The following ANTXR1 variants were observed in gnomAD, a reference collection of about 807,000 sequenced individuals.
The protein encoded by ANTXR1 is ANTXR cell adhesion molecule 1.
ANTXR1 carries 19 observed loss-of-function variants against 78.1 expected under a neutral mutation model. The observed-to-expected ratio is 0.24, with a 90% CI of 0.17 to 0.36. The LOEUF (loss-of-function observed/expected upper bound fraction) is 0.36. Among genes scored for constraint, ANTXR1 ranks in the 10% least tolerant of loss-of-function variants. The pLI, the probability that ANTXR1 is intolerant of heterozygous loss-of-function variation, is 1.00. For missense variants in ANTXR1, 518 were observed against 718.6 expected (o/e 0.72, Z 3.19); for synonymous variants, 273 against 260.5 (o/e 1.05, Z -0.46).
chr2:69,232,113 A>G (rs1675612432), intron 17 of ANTXR1, among the ~76,000 whole-genome samples: 1 of 152,224 alleles, frequency 6.6e-6, no homozygotes, highest in Middle Eastern at 3.2e-3. Context: ...GTTTGTGCAA[A>G]TATAATTGTG....
intron 17 of ANTXR1, among the ~76,000 whole-genome samples, chr2:69,199,375 G>A (rs1167880293): frequency 6.6e-6 from 1 of 152,068 alleles, no homozygotes; most frequent in Non-Finnish European, 1.5e-5. Flanking sequence ...TGAGAGTCTG[G>A]GGTCCTAGGC....
chr2:69,103,692 G>A lies in ANTXR1; in HGVS notation c.802+752G>A, dbSNP rs182148652. The A allele has an allele frequency of 2.0e-3, 310 of 156,352 alleles. 1 individual carries two copies. The highest frequency in any genetic ancestry group is 5.1e-3 in the Admixed American group (80 of 15,580). 9.7% of individuals were successfully genotyped at this position (156,352 alleles called of 1,614,324 possible). On this transcript the variant is annotated intron_variant, in intron 10 of 17. Coordinates refer to ENST00000303714, the MANE Select transcript of ANTXR1 (RefSeq NM_032208.3). Reference sequence around the variant, plus strand: ...GGAGAGATGGGGAAGATGATTATATGAGGGACAGATGCCAGAAGCACTGGT... The same window carrying A: ...GGAGAGATGGGGAAGATGATTATATAAGGGACAGATGCCAGAAGCACTGGT...
At chr2:69,222,683 A>C (rs1376717976) in intron 17 of ANTXR1, among the ~76,000 whole-genome samples, 2 of 152,162 alleles carry the variant, frequency 1.3e-5, no homozygotes, top group Non-Finnish European at 1.5e-5. Context: ...CTGGAGGAGG[A>C]GGCATCCTTA....
At chr2:69,016,887 G>A (rs1375351212) in intron 1 of ANTXR1, among the ~76,000 whole-genome samples, 1 of 152,186 alleles carries the variant, frequency 6.6e-6, no homozygotes, top group East Asian at 1.9e-4. Flanking sequence ...CTGTTGTAAA[G>A]GATGCTGCTG....
intron 13 of ANTXR1, among the ~76,000 whole-genome samples, chr2:69,157,130 C>T (rs1293722495): frequency 6.6e-6 from 1 of 152,150 alleles, no homozygotes; most frequent in Non-Finnish European, 1.5e-5. Context: ...TCTCCATTCA[C>T]TTCTCATTCT....
chr2:69,141,480 T>TCAAAA (rs1673066715), intron 12 of ANTXR1, among the ~76,000 whole-genome samples: 1 of 152,088 alleles, frequency 6.6e-6, no homozygotes. Flanking sequence ...CAAAAGTCTT[T>TCAAAA]GAGTCCAGTG....
chr2:69,243,217 T>C (rs1008095807), intron 17 of ANTXR1, among the ~76,000 whole-genome samples: 2 of 152,210 alleles, frequency 1.3e-5, no homozygotes, highest in African/African-American at 4.8e-5. Context: ...CACCCCCTAC[T>C]TTTCCTGAGT....
intron 16 of ANTXR1, among the ~76,000 whole-genome samples, chr2:69,183,574 GTT>G (rs55898655): frequency 1.6e-4 from 18 of 109,294 alleles, no homozygotes; most frequent in Non-Finnish European, 2.0e-4. Context: ...GCTAATTTTT[GTT>G]TTTTTTTTTT....
chr2:69,191,218 A>G (rs1204180160), intron 16 of ANTXR1, among the ~76,000 whole-genome samples: 1 of 152,252 alleles, frequency 6.6e-6, no homozygotes, highest in Non-Finnish European at 1.5e-5. Context: ...TTGCCAAAAT[A>G]GATGAGAAAC....
chr2:69,056,510 C>T (rs1161862738), intron 3 of ANTXR1, among the ~76,000 whole-genome samples: 1 of 152,058 alleles, frequency 6.6e-6, no homozygotes, highest in East Asian at 1.9e-4. Flanking sequence ...ACCAACCACG[C>T]TTGTGGAATA....
intron 17 of ANTXR1, among the ~76,000 whole-genome samples, chr2:69,201,440 G>A (rs898159139): frequency 6.6e-5 from 10 of 152,166 alleles, no homozygotes; most frequent in South Asian, 2.1e-4. Context: ...GTTGCCGGCC[G>A]TGGGAGCCTG....
At chr2:69,198,182 A>G (rs73934792) in intron 17 of ANTXR1, among the ~76,000 whole-genome samples, 7,206 of 152,300 alleles carry the variant, frequency 0.047, 448 homozygotes, top group African/African-American at 0.14. Context: ...AAGCTTTGAT[A>G]CAAATGGCCA....
intron 13 of ANTXR1, among the ~76,000 whole-genome samples, chr2:69,167,414 G>A (rs990915386): frequency 6.6e-6 from 1 of 152,228 alleles, no homozygotes; most frequent in Non-Finnish European, 1.5e-5. Flanking sequence ...TGGCCCTGAG[G>A]GGAGTGGGGT....
rs1351672598 is a variant in ANTXR1, at chr2:69,170,260, G to T, written c.1060G>T (p.Val354Phe). ...GTTTTCTTTTCAGATTATCAAGGAG[G>T]TCCCTCCACCCCCTGCCGAGGAGAG... ...PLCCTVIIKE[V>F]PPPPAEESEE... Residue 354 changes from valine to phenylalanine, a missense_variant, in exon 14 of 18, where the codon GTC becomes TTC. Val to Phe is a conservative substitution (Grantham distance 50). Around this residue, in one of 5 missense-constraint regions of ANTXR1, gnomAD observed 264 missense variants for 391.8 expected, o/e 0.67. Transcript: ENST00000303714. 1 of 1,614,148 alleles carries T rather than the reference G, an allele frequency of 6.2e-7. No homozygotes were observed. The highest frequency in any genetic ancestry group is 8.5e-7 in the Non-Finnish European group (1 of 1,180,030).
At chr2:69,070,605 A>G in intron 3 of ANTXR1, 42 bp from the exon 4 acceptor site, 1 of 1,596,240 alleles carries the variant, frequency 6.3e-7, no homozygotes, top group South Asian at 1.1e-5. Context: ...AGCAAAGTAA[A>G]AAATACTCAA....
chr2:69,048,306 T>C (rs1573809671), intron 3 of ANTXR1, among the ~76,000 whole-genome samples: 1 of 152,188 alleles, frequency 6.6e-6, no homozygotes, highest in East Asian at 1.9e-4. Flanking sequence ...CTGAATGTCA[T>C]AAAAAACATT....
chr2:69,090,759 A>G (rs1429908896), intron 8 of ANTXR1, 100 bp from the exon 9 acceptor site: 22 of 1,222,952 alleles, frequency 1.8e-5, no homozygotes, highest in Non-Finnish European at 2.6e-5. Flanking sequence ...AATGTCCTTG[A>G]ACCTTCCTAT....
chr2:69,170,394 T>G, intron 14 of ANTXR1, 105 bp downstream of exon 14: 1 of 1,369,190 alleles, frequency 7.3e-7, no homozygotes, highest in Non-Finnish European at 1.0e-6. Flanking sequence ...CAGAGCTAAG[T>G]CAAGCTCAAA....
intron 17 of ANTXR1, among the ~76,000 whole-genome samples, chr2:69,200,177 G>A (rs956710307): frequency 2.6e-5 from 4 of 152,196 alleles, no homozygotes; most frequent in Non-Finnish European, 4.4e-5. Context: ...TCAGGAGGCC[G>A]GTACATTCCA....
Sources: allele counts gnomAD v4.1 joint callset (sites outside exome capture counted in the v4.1 genomes callset), GRCh38; gene constraint gnomAD v4.1.1; regional missense constraint gnomAD v4.1.1; transcripts MANE v1.5; gene names NCBI Gene and HGNC (gene_info 2026-07-23, HGNC 2026-07-21).